Variants in NGEF observed in about 807,000 individuals in gnomAD.
NGEF encodes the protein neuronal guanine nucleotide exchange factor.
A neutral mutation model predicts 80.9 loss-of-function variants in NGEF; 31 were observed. The ratio of observed to expected loss-of-function variants is 0.38; its 90% confidence interval spans 0.29 to 0.52. The LOEUF (loss-of-function observed/expected upper bound fraction) is 0.52, where lower values mean the gene tolerates loss of function less well. NGEF is among the 20% of genes least tolerant of loss of function. The pLI is 0.84. For synonymous variants in NGEF, 371 were observed against 370.2 expected (o/e 1.00, Z -0.03); for missense variants, 709 against 926.2 (o/e 0.77, Z 3.04).
chr2:232,898,551 G>A (rs1194646454), intron 5 of NGEF, among the ~76,000 whole-genome samples: 2 of 152,250 alleles, frequency 1.3e-5, no homozygotes, highest in Admixed American at 6.5e-5. Context: ...CAAATTGTTT[G>A]TCATGTCGAT....
intron 8 of NGEF, among the ~76,000 whole-genome samples, chr2:232,889,329 G>A (rs969952330): frequency 2.0e-5 from 3 of 152,136 alleles, no homozygotes; most frequent in African/African-American, 7.2e-5. Flanking sequence ...GCTCTCCCAC[G>A]CCAGCCTCCA....
chr2:232,913,963 C>T (rs1047029208), intron 5 of NGEF, among the ~76,000 whole-genome samples: 4 of 151,882 alleles, frequency 2.6e-5, no homozygotes, highest in African/African-American at 4.8e-5. Flanking sequence ...TGTGTTTGTA[C>T]CCTAATTTTC....
intron 3 of NGEF, among the ~76,000 whole-genome samples, chr2:232,949,930 G>A (rs2106304723): frequency 6.6e-6 from 1 of 151,738 alleles, no homozygotes; most frequent in East Asian, 1.9e-4. Flanking sequence ...TCCTGTCTCT[G>A]CCTCCCGAGT....
chr2:232,936,769 A>G (rs1693333136), intron 3 of NGEF, among the ~76,000 whole-genome samples: 1 of 152,064 alleles, frequency 6.6e-6, no homozygotes, highest in Non-Finnish European at 1.5e-5. Context: ...GGCTGATTTA[A>G]CTCTGTATCC....
intron 7 of NGEF, among the ~76,000 whole-genome samples, chr2:232,891,968 ATGG>A (rs1559194543): frequency 8.4e-4 from 13 of 15,446 alleles, no homozygotes; most frequent in African/African-American, 1.3e-3. Context: ...GTCAGCAGGG[ATGG>A]CAGGGACGGC....
In NGEF at chr2:232,972,523, AAGG is replaced by A. The variant is rs545374384; in HGVS notation, c.268+2097_268+2099del. 1.3e-3 allele frequency among the ~76,000 whole-genome samples: 205 copies of A among 152,302 alleles called. 1 individual carries two copies. Among genetic ancestry groups the A allele is most frequent in the African/African-American group, 4.5e-3 (185 of 41,564 alleles). Reference sequence around the variant, plus strand: ...CCATCTACACAGGCTTTGGAGCCAGAAGGATCTGAACTCTAGCTCAGTCTGTAC... The same window carrying A: ...CCATCTACACAGGCTTTGGAGCCAGAATCTGAACTCTAGCTCAGTCTGTAC... On this transcript the variant is annotated intron_variant, in intron 2 of 14. Coordinates refer to ENST00000264051, the MANE Select transcript of NGEF (RefSeq NM_019850.3).
At chr2:233,006,780 A>G (rs1003666086) in intron 1 of NGEF, among the ~76,000 whole-genome samples, 6 of 151,986 alleles carry the variant, frequency 3.9e-5, no homozygotes, top group African/African-American at 1.5e-4. Flanking sequence ...TATTTCTTTC[A>G]CTTTTAGAGA....
chr2:232,978,502 G>C (rs1311742291), intron 1 of NGEF, among the ~76,000 whole-genome samples: 2 of 152,146 alleles, frequency 1.3e-5, no homozygotes, highest in African/African-American at 4.8e-5. Flanking sequence ...GCGACAGAGC[G>C]AGACTCCATC....
intron 5 of NGEF, among the ~76,000 whole-genome samples, chr2:232,896,894 G>A (rs1419007313): frequency 3.8e-5 from 5 of 130,302 alleles, no homozygotes; most frequent in Admixed American, 3.7e-4. Context: ...GTAGGTGTGA[G>A]GGTGGGGGTA....
rs932734303 is a variant in NGEF at position 232,970,743 on chromosome 2, A to C, written c.269-415T>G. 1.4e-4 allele frequency among the ~76,000 whole-genome samples: 21 copies of C among 151,748 alleles called. No individual in the cohort carries two copies. In the South Asian group the frequency reaches 1.7e-3, roughly 12 times the overall value. ...GGCAGATGAATTGCTTGAACCTGGCAGGCGGAGGTTGCAGTGAGCTGAGAT... is the reference window on the plus strand; with the variant it reads ...GGCAGATGAATTGCTTGAACCTGGCCGGCGGAGGTTGCAGTGAGCTGAGAT... On this transcript the variant is annotated intron_variant, in intron 2 of 14. Coordinates refer to ENST00000264051, the MANE Select transcript of NGEF (RefSeq NM_019850.3).
At chr2:232,904,528 C>A (rs747876658) in intron 5 of NGEF, among the ~76,000 whole-genome samples, 1 of 152,170 alleles carries the variant, frequency 6.6e-6, no homozygotes, top group Non-Finnish European at 1.5e-5. Flanking sequence ...CACACCCAGC[C>A]CCTTCCCAAC....
At chr2:233,009,421 C>T (rs972526075) in intron 1 of NGEF, among the ~76,000 whole-genome samples, 7 of 151,952 alleles carry the variant, frequency 4.6e-5, no homozygotes, top group African/African-American at 1.5e-4. Context: ...TCTGAATTTG[C>T]GATCCTCCCA....
intron 5 of NGEF, among the ~76,000 whole-genome samples, chr2:232,896,585 AG>A (rs2106237940): frequency 1.3e-5 from 1 of 74,400 alleles, no homozygotes; most frequent in Non-Finnish European, 2.6e-5. Context: ...GGTAGGGGTG[AG>A]GGTGAGGGTA....
chr2:232,920,898 G>A (rs1692928837), intron 4 of NGEF, among the ~76,000 whole-genome samples: 1 of 152,152 alleles, frequency 6.6e-6, no homozygotes, highest in Non-Finnish European at 1.5e-5. Flanking sequence ...AGAACCTGAT[G>A]CACCCACCAC....
chr2:232,899,125 A>ATG (rs1044784466), intron 5 of NGEF, among the ~76,000 whole-genome samples: 28 of 151,336 alleles, frequency 1.9e-4, no homozygotes, highest in African/African-American at 6.8e-4. Flanking sequence ...GAATGTGTGC[A>ATG]TGTGTGTGAA....
chr2:232,888,851 A>G (rs566207144), intron 8 of NGEF, among the ~76,000 whole-genome samples: 2 of 152,370 alleles, frequency 1.3e-5, no homozygotes, highest in South Asian at 4.1e-4. Flanking sequence ...TTAACAAAAA[A>G]TTATGCCCAT....
At chr2:232,997,060 GCA>G (rs1183533461) in intron 1 of NGEF, among the ~76,000 whole-genome samples, 1 of 152,134 alleles carries the variant, frequency 6.6e-6, no homozygotes, top group African/African-American at 2.4e-5. Flanking sequence ...CTTCCTCAGT[GCA>G]CCCTCATAGT....
intron 3 of NGEF, among the ~76,000 whole-genome samples, chr2:232,947,810 A>T (rs374558386): frequency 3.3e-5 from 5 of 152,224 alleles, no homozygotes; most frequent in African/African-American, 1.2e-4. Flanking sequence ...ATTCTACAAG[A>T]TAAGAGGCCT....
intron 12 of NGEF, 22 bp downstream of exon 12, chr2:232,883,289 C>T (rs775801613): frequency 2.5e-5 from 40 of 1,569,940 alleles, no homozygotes; most frequent in South Asian, 4.7e-5. Context: ...TAGCACTGGG[C>T]GTGTGGCGGC....
Sources: allele counts gnomAD v4.1 joint callset (sites outside exome capture counted in the v4.1 genomes callset), GRCh38; gene constraint gnomAD v4.1.1; transcripts MANE v1.5; gene names NCBI Gene and HGNC (gene_info 2026-07-23, HGNC 2026-07-21).